STK31: variants seen among roughly 807,000 people sequenced by gnomAD.
The protein encoded by STK31 is serine/threonine kinase 31, also known as serine/threonine-protein kinase 31.
In STK31, 89 loss-of-function variants were observed where a neutral mutation model predicts 129.7. That is an observed-to-expected ratio of 0.69 (90% CI 0.58 to 0.82). The LOEUF (loss-of-function observed/expected upper bound fraction) is 0.82. Ranked by LOEUF, STK31 falls within the 40% of genes least tolerant of loss-of-function variation. The pLI is 0.00. For missense variants in STK31, 1,187 were observed against 1,176.4 expected (o/e 1.01, Z -0.13); for synonymous variants, 448 against 395.3 (o/e 1.13, Z -1.58).
intron 10 of STK31, among the ~76,000 whole-genome samples, chr7:23,756,066 G>A (rs572093849): frequency 6.6e-6 from 1 of 152,140 alleles, no homozygotes; most frequent in South Asian, 2.1e-4. Context: ...AATAGCATTG[G>A]TTCTATAAAA....
Position 23,785,524 on chromosome 7 carries a change from A to C in STK31, c.2195A>C (p.Asp732Ala), listed in dbSNP as rs1791217080. 6.2e-6 allele frequency: 10 copies of C among 1,613,986 alleles called. No homozygotes were observed. Among genetic ancestry groups the C allele is most frequent in the Non-Finnish European group, 8.5e-6 (10 of 1,179,916 alleles). ...ATGAGCTTGGAACGAGATCTTCTTG[A>C]TGCTGAGCCCATGAAGGAACTTAGC... ...LTMSLERDLL[D>A]AEPMKELSSK... Residue 732 changes from aspartate (D) to alanine (A), a missense_variant, in exon 18 of 24, where the codon GAT (aspartate) becomes GCT (alanine). By Grantham distance (126) the Asp-to-Ala change is moderately radical. Coordinates refer to ENST00000355870, the MANE Select transcript of STK31 (RefSeq NM_031414.5).
At chr7:23,728,291 G>A (rs574073158) in intron 5 of STK31, among the ~76,000 whole-genome samples, 22 of 151,934 alleles carry the variant, frequency 1.4e-4, no homozygotes, top group African/African-American at 4.6e-4. Context: ...AGGGAAAGTG[G>A]TTCAGGATAA....
intron 22 of STK31, among the ~76,000 whole-genome samples, chr7:23,809,116 T>C (rs10270093): frequency 0.76 from 115,583 of 151,712 alleles, 44,644 homozygotes; most frequent in African/African-American, 0.88. Context: ...CTTCTTTCCA[T>C]CTTTTAGGGT....
intron 10 of STK31, among the ~76,000 whole-genome samples, chr7:23,756,819 C>G (rs967461732): frequency 6.6e-6 from 1 of 152,160 alleles, no homozygotes; most frequent in South Asian, 2.1e-4. Flanking sequence ...TTGAACCAGC[C>G]TTGCGTCCCA....
chr7:23,773,929 G>GCCC (rs145871496), intron 15 of STK31, among the ~76,000 whole-genome samples: 4 of 148,550 alleles, frequency 2.7e-5, no homozygotes, highest in Admixed American at 1.3e-4. Context: ...CTCTCTCCCT[G>GCCC]CCACCCCCCA....
chr7:23,772,106 T>A, intron 14 of STK31, 41 bp from the exon 15 acceptor site: 1 of 1,426,538 alleles, frequency 7.0e-7, no homozygotes, highest in Non-Finnish European at 9.5e-7. Flanking sequence ...AATAAATACT[T>A]TTCTTATGTG....
At position 23,710,481 on chromosome 7, in the gene STK31, G is replaced by A. The variant is rs1584304452; in HGVS notation, c.50+146G>A. On this transcript the variant is annotated intron_variant, in intron 1 of 23. Coordinates refer to ENST00000355870, the MANE Select transcript of STK31 (RefSeq NM_031414.5). The stretch of plus-strand genomic sequence containing the variant: ...TCTAGCCGCCCGCCACCCCAGAGGG[G>A]TGCCAGATGCCCCAGTTTTTGAGTG... 7.3e-6 allele frequency: 11 copies of A among 1,515,716 alleles called. No homozygotes were observed. In the East Asian group the frequency reaches 1.9e-4, roughly 26 times the overall value. The allele number at this position is 1,515,716 out of a possible 1,614,324, so 93.9% of individuals were successfully genotyped here. A position where few individuals can be genotyped will look rare whatever the true frequency, so the allele number is the denominator to read the frequency against.
chr7:23,735,344 A>G (rs745802855), intron 6 of STK31, among the ~76,000 whole-genome samples, 194 bp from the exon 7 acceptor site: 1 of 152,198 alleles, frequency 6.6e-6, no homozygotes, highest in African/African-American at 2.4e-5. Flanking sequence ...ATTTAGCTCT[A>G]CTTGATTTTA....
In STK31 at chr7:23,758,273, A is replaced by T. The variant is rs140751096; in HGVS notation, c.1293+3799A>T. Among the ~76,000 whole-genome samples, 1,386 of 152,238 alleles carry T rather than the reference A, an allele frequency of 9.1e-3. 24 individuals carry two copies. The highest frequency in any genetic ancestry group is 0.032 in the African/African-American group (1,343 of 41,528). On this transcript the variant is annotated intron_variant, in intron 10 of 23. Transcript: ENST00000355870. Reference sequence around the variant, plus strand: ...TTATTTGTGTAGAGGTGTTTATAGTATTCTGTGATGGTAGTTGGTATTTTT... The same window carrying T: ...TTATTTGTGTAGAGGTGTTTATAGTTTTCTGTGATGGTAGTTGGTATTTTT...
At chr7:23,809,143 A>G (rs374559212) in intron 22 of STK31, among the ~76,000 whole-genome samples, 2 of 151,774 alleles carry the variant, frequency 1.3e-5, no homozygotes, top group Non-Finnish European at 2.9e-5. Flanking sequence ...GTGTTGTATT[A>G]TAGCTAGAGT....
At position 23,822,771 on chromosome 7, in the gene STK31, G is replaced by A. The variant is rs190506169; in HGVS notation, c.2829+7559G>A. On this transcript the variant is annotated intron_variant, in intron 23 of 23. Transcript: ENST00000355870. ...CTCCCACCACCCCACAACAGTCCCC[G>A]GTATGTGATGTTCCCCTTCCTGTGT... Among the ~76,000 whole-genome samples the A allele has an allele frequency of 3.1e-3, 465 of 152,044 alleles. 4 individuals are homozygous for A. The highest frequency in any genetic ancestry group is 0.011 in the African/African-American group (437 of 41,480).
At position 23,810,008 on chromosome 7, in the gene STK31, G is replaced by A. The variant is rs557857594; in HGVS notation, c.2761-5136G>A. On this transcript the variant is annotated intron_variant, in intron 22 of 23. Transcript: ENST00000355870. ...ACTGTTGTTTTGTCAGTTACTGAGA[G>A]TTGAAGTCCCTGGCTATAATTGTAG... Among the ~76,000 whole-genome samples, 11 of 152,304 alleles carry A rather than the reference G, an allele frequency of 7.2e-5. 1 individual carries two copies. The South Asian group carries it at 2.3e-3, about 32-fold the overall frequency.
rs1476651979 is a variant in STK31 at position 23,768,981 on chromosome 7, A to G, written c.1417-14A>G. The G allele has an allele frequency of 1.3e-6, 2 of 1,571,276 alleles. No individual in the cohort carries two copies. The highest frequency in any genetic ancestry group is 1.7e-6 in the Non-Finnish European group (2 of 1,161,544). On this transcript the variant is annotated splice_polypyrimidine_tract_variant and intron_variant, in intron 11 of 23. Coordinates refer to ENST00000355870, the MANE Select transcript of STK31 (RefSeq NM_031414.5). ...TTAATAAACTTTAATAAACAGAAGT[A>G]TATCTCTCTGCAGGATTTGTCAGTC...
chr7:23,813,113 T>C (rs1207420250), intron 22 of STK31, among the ~76,000 whole-genome samples: 1 of 144,056 alleles, frequency 6.9e-6, no homozygotes, highest in Non-Finnish European at 1.5e-5. Context: ...GTTTTCTCTC[T>C]GATCAGGCTG....
intron 6 of STK31, among the ~76,000 whole-genome samples, chr7:23,730,642 G>C (rs1000470985): frequency 6.6e-6 from 1 of 151,606 alleles, no homozygotes; most frequent in African/African-American, 2.4e-5. Context: ...ACTTCAAGTC[G>C]TGAAGCTAAC....
At chr7:23,716,819 G>C (rs1786353923) in intron 3 of STK31, among the ~76,000 whole-genome samples, 1 of 119,940 alleles carries the variant, frequency 8.3e-6, no homozygotes, top group Non-Finnish European at 1.7e-5. Context: ...TTTTTTTCAA[G>C]ACAGGGTCTC....
chr7:23,711,100 G>A lies in STK31; in HGVS notation c.50+765G>A, dbSNP rs377316914. On this transcript the variant is annotated intron_variant, in intron 1 of 23. Transcript: ENST00000355870. ...GAGTTAATGTTTTCCTTTTCATAATGAGAGAGCATTTGAAACTTTAGTATA... is the reference window on the plus strand; with the variant it reads ...GAGTTAATGTTTTCCTTTTCATAATAAGAGAGCATTTGAAACTTTAGTATA... Among the ~76,000 whole-genome samples, 31 of 152,190 alleles carry A rather than the reference G, an allele frequency of 2.0e-4. No individual in the cohort carries two copies. The East Asian group carries it at 5.6e-3, about 27-fold the overall frequency.
chr7:23,759,226 C>G (rs1789298658), intron 10 of STK31, among the ~76,000 whole-genome samples: 1 of 152,144 alleles, frequency 6.6e-6, no homozygotes, highest in Non-Finnish European at 1.5e-5. Context: ...ATCAACGAGA[C>G]AGAAAATTAA....
intron 22 of STK31, among the ~76,000 whole-genome samples, chr7:23,796,548 CT>C (rs533757851): frequency 1.3e-5 from 2 of 151,904 alleles, no homozygotes; most frequent in East Asian, 1.9e-4. Flanking sequence ...GTACAATGGA[CT>C]TTTTTTTGTA....
Sources: gnomAD v4.1 joint callset for allele counts (sites outside exome capture counted in the v4.1 genomes callset) on GRCh38, gnomAD v4.1.1 for gene constraint, MANE v1.5 for transcripts, NCBI Gene and HGNC (gene_info 2026-07-23, HGNC 2026-07-21) for gene names.